RNF128: variants seen among roughly 807,000 people sequenced by gnomAD.
RNF128 encodes ring finger protein 128, also known as E3 ubiquitin-protein ligase RNF128.
Under a neutral mutation model 26.2 loss-of-function variants are expected in RNF128, and 13 were observed. The ratio of observed to expected loss-of-function variants is 0.50; its 90% CI spans 0.32 to 0.79. RNF128 has a LOEUF of 0.79. Among genes scored for constraint, RNF128 ranks in the 30% least tolerant of loss-of-function variants. The pLI is 0.03. For missense variants in RNF128, 315 were observed against 349.7 expected (o/e 0.90, Z 0.79); for synonymous variants, 149 against 142.5 (o/e 1.05, Z -0.32).
intron 1 of RNF128, among the ~76,000 whole-genome samples, chrX:106,742,151 T>C (rs1259663894): frequency 9.0e-6 from 1 of 111,549 alleles, no homozygotes; most frequent in African/African-American, 3.3e-5. Flanking sequence ...AGATATAATA[T>C]AACAGGAAAG....
At chrX:106,734,127 C>T (rs1292348571) in intron 1 of RNF128, among the ~76,000 whole-genome samples, 4 of 111,460 alleles carry the variant, frequency 3.6e-5, no homozygotes, top group Non-Finnish European at 7.5e-5. Flanking sequence ...AGAAGATGGT[C>T]CTCTTGTAGT....
Position 106,726,923 on chromosome X carries a change from C to T in RNF128, c.10C>T (p.Pro4Ser). MGP[P>S]PGAGVSCRGG... The stretch of plus-strand genomic sequence containing the variant: ...GCGGAGCGCGCGCGCCATGGGGCCG[C>T]CGCCTGGGGCCGGGGTCTCCTGCCG... The change falls in exon 1 of 7, where the codon CCG (proline) becomes TCG (serine). Residue 4 changes from proline (P) to serine (S), a missense_variant. By Grantham distance (74) the Pro-to-Ser change is moderately conservative (BLOSUM62 -1). Coordinates refer to ENST00000255499, the MANE Select transcript of RNF128 (RefSeq NM_194463.2). The T allele has an allele frequency of 8.5e-7, 1 of 1,173,066 alleles. No homozygotes were observed. Among genetic ancestry groups the T allele is most frequent in the Non-Finnish European group, 1.1e-6 (1 of 877,077 alleles).
chrX:106,725,762 C>G (rs545311603), upstream of RNF128, among the ~76,000 whole-genome samples: 187 of 112,694 alleles, frequency 1.7e-3, 2 homozygotes, highest in South Asian at 0.065. Flanking sequence ...AACTGAGCCA[C>G]AGGGAAGTTC....
At chrX:106,781,181 G>A (rs1930558641) in intron 2 of RNF128, among the ~76,000 whole-genome samples, 1 of 111,734 alleles carries the variant, frequency 8.9e-6, no homozygotes, top group South Asian at 3.7e-4. Flanking sequence ...ACTCAAGAGA[G>A]AAAGGCACAT....
chrX:106,787,864 A>G (rs371096302), intron 3 of RNF128, 54 bp from the exon 4 acceptor site: 74 of 821,950 alleles, frequency 9.0e-5, no homozygotes, highest in Non-Finnish European at 1.2e-4. Context: ...CTTGTTCTGT[A>G]GTTTAATGTA....
At chrX:106,752,932 CAG>C (rs1302889445) in intron 1 of RNF128, among the ~76,000 whole-genome samples, 6 of 111,031 alleles carry the variant, frequency 5.4e-5, no homozygotes, top group Non-Finnish European at 9.4e-5. Flanking sequence ...AAGAATGCAT[CAG>C]AGTCTTTCAA....
At chrX:106,762,191 A>C (rs1198004422) in intron 1 of RNF128, among the ~76,000 whole-genome samples, 6 of 111,031 alleles carry the variant, frequency 5.4e-5, no homozygotes, top group Non-Finnish European at 7.5e-5. Flanking sequence ...TACTGTGTAA[A>C]AAAACACCAA....
At chrX:106,779,171 T>G (rs910819804) in intron 2 of RNF128, among the ~76,000 whole-genome samples, 3 of 111,851 alleles carry the variant, frequency 2.7e-5, no homozygotes, top group African/African-American at 9.7e-5. Flanking sequence ...TCAGGATTTT[T>G]ATATATTCAC....
chrX:106,754,659 T>G (rs1436600560), intron 1 of RNF128, among the ~76,000 whole-genome samples: 2 of 109,819 alleles, frequency 1.8e-5, no homozygotes, highest in Admixed American at 9.8e-5. Context: ...TACAAATACA[T>G]GGAGATAAAC....
intron 1 of RNF128, among the ~76,000 whole-genome samples, chrX:106,728,981 A>C (rs1181263976): frequency 8.9e-6 from 1 of 112,096 alleles, no homozygotes; most frequent in Non-Finnish European, 1.9e-5. Flanking sequence ...AGACCTAATA[A>C]AGTTTATAGT....
intron 1 of RNF128, among the ~76,000 whole-genome samples, chrX:106,708,556 A>C (rs750341566): frequency 8.9e-6 from 1 of 112,266 alleles, no homozygotes; most frequent in East Asian, 2.8e-4. Flanking sequence ...TGGGGTTAGC[A>C]CTTAGAGGAG....
At chrX:106,787,385 G>A (rs1015581709) in intron 3 of RNF128, among the ~76,000 whole-genome samples, 1 of 110,933 alleles carries the variant, frequency 9.0e-6, no homozygotes, top group Non-Finnish European at 1.9e-5. Context: ...TATGACATTC[G>A]GGGAAAGCCA....
intron 1 of RNF128, among the ~76,000 whole-genome samples, chrX:106,720,820 C>T (rs761964005): frequency 1.1e-4 from 12 of 111,199 alleles, no homozygotes; most frequent in Non-Finnish European, 1.9e-4. Context: ...ATATCATTAC[C>T]TGTTGTGAAA....
At chrX:106,770,881 G>T (rs1416589569) in intron 1 of RNF128, among the ~76,000 whole-genome samples, 1 of 111,814 alleles carries the variant, frequency 8.9e-6, no homozygotes, top group Non-Finnish European at 1.9e-5. Context: ...CCCCATTTTT[G>T]TGGTTTTATC....
At chrX:106,767,150 G>T (rs1340912718) in intron 1 of RNF128, among the ~76,000 whole-genome samples, 1 of 111,825 alleles carries the variant, frequency 8.9e-6, no homozygotes, top group East Asian at 2.8e-4. Flanking sequence ...CAGGTAGGGT[G>T]ATGCCTCCAG....
chrX:106,778,560 T>C (rs1930509855), intron 2 of RNF128, among the ~76,000 whole-genome samples: 1 of 112,020 alleles, frequency 8.9e-6, no homozygotes, highest in Non-Finnish European at 1.9e-5. Flanking sequence ...TACCAGCCTG[T>C]CAGAGTTGCT....
At chrX:106,763,313 A>G (rs1457241697) in intron 1 of RNF128, among the ~76,000 whole-genome samples, 1 of 111,083 alleles carries the variant, frequency 9.0e-6, no homozygotes, top group African/African-American at 3.3e-5. Context: ...TAGCATCTCC[A>G]TGACTGACTA....
intron 2 of RNF128, among the ~76,000 whole-genome samples, chrX:106,783,701 T>G (rs956007814): frequency 1.8e-5 from 2 of 111,529 alleles, no homozygotes; most frequent in African/African-American, 3.3e-5. Flanking sequence ...GCTGGGTAAT[T>G]CATAAAGAAA....
intron 1 of RNF128, among the ~76,000 whole-genome samples, chrX:106,733,617 TGTA>T (rs1036097152): frequency 3.6e-5 from 4 of 112,003 alleles, no homozygotes; most frequent in East Asian, 2.8e-4. Context: ...TAAATATTAA[TGTA>T]GTAATAAAAT....
Sources: allele counts gnomAD v4.1 joint callset (sites outside exome capture counted in the v4.1 genomes callset), GRCh38; gene constraint gnomAD v4.1.1; transcripts MANE v1.5; gene names NCBI Gene and HGNC (gene_info 2026-07-23, HGNC 2026-07-21).